Variants in MYO5C observed in about 807,000 individuals in gnomAD.
MYO5C encodes unconventional myosin-Vc.
In MYO5C, 194 loss-of-function variants were observed where a neutral mutation model predicts 235.7. That is an observed-to-expected ratio of 0.82 (90% CI 0.73 to 0.93). The LOEUF is 0.93. Ranked by LOEUF, MYO5C falls within the 40% of genes least tolerant of loss-of-function variation. MYO5C has a pLI of 0.00. For synonymous variants in MYO5C, 707 were observed against 754.8 expected (o/e 0.94, Z 1.04); for missense variants, 2,038 against 2,127.2 (o/e 0.96, Z 0.82).
At chr15:52,260,406 G>C (rs2036668924) in intron 10 of MYO5C, among the ~76,000 whole-genome samples, 1 of 152,230 alleles carries the variant, frequency 6.6e-6, no homozygotes, top group Non-Finnish European at 1.5e-5. Context: ...TGATTCGAAT[G>C]GGAAGGGACC....
chr15:52,229,930 G>A (rs1379243164), intron 24 of MYO5C, among the ~76,000 whole-genome samples: 1 of 152,150 alleles, frequency 6.6e-6, no homozygotes, highest in Non-Finnish European at 1.5e-5. Flanking sequence ...CCAACCCCCC[G>A]GGTTCCATGC....
In MYO5C at chr15:52,270,677, T is replaced by A. The variant is rs147943226; in HGVS notation, c.833-817A>T. Reference sequence around the variant, plus strand: ...ACATTTATATATGTATATATATGTATGTATGTATACACATGTATGTGTATA... The same window carrying A: ...ACATTTATATATGTATATATATGTAAGTATGTATACACATGTATGTGTATA... On this transcript the variant is annotated intron_variant, in intron 7 of 40. Transcript: ENST00000261839. Among the ~76,000 whole-genome samples the A allele has an allele frequency of 6.8e-3, 1,026 of 151,500 alleles. 10 individuals are homozygous for A. The highest frequency in any genetic ancestry group is 0.024 in the African/African-American group (988 of 41,324).
At chr15:52,267,673 G>A (rs972402350) in intron 8 of MYO5C, among the ~76,000 whole-genome samples, 5 of 152,164 alleles carry the variant, frequency 3.3e-5, no homozygotes, top group African/African-American at 9.7e-5. Context: ...GCGACAGAGC[G>A]AGACTCCATC....
At chr15:52,262,988 C>T (rs1306010604) in intron 9 of MYO5C, among the ~76,000 whole-genome samples, 1 of 152,014 alleles carries the variant, frequency 6.6e-6, no homozygotes, top group African/African-American at 2.4e-5. Flanking sequence ...TCGTAAGAGG[C>T]ATCACAGTGT....
intron 12 of MYO5C, among the ~76,000 whole-genome samples, chr15:52,252,221 T>G (rs1448021029): frequency 6.6e-6 from 1 of 152,100 alleles, no homozygotes; most frequent in Admixed American, 6.6e-5. Context: ...CCCAAAGAAA[T>G]CTAAAGGTTC....
rs796526949 is a variant in MYO5C, at chr15:52,232,168, A to AAGGAAGGGAGGAAGGG, written c.3026+438_3026+453dup. On this transcript the variant is annotated intron_variant, in intron 24 of 40. Coordinates refer to ENST00000261839, the MANE Select transcript of MYO5C (RefSeq NM_018728.4). Reference sequence around the variant, plus strand: ...GGAAGGAAAGGAAGGAAAGGAAGGGAAGGAAGGGAGGAAGGGAGGAAGGGA... The same window carrying AAGGAAGGGAGGAAGGG: ...GGAAGGAAAGGAAGGAAAGGAAGGGAAGGAAGGGAGGAAGGGAGGAAGGGAGGAAGGGAGGAAGGGA... 1.1e-4 allele frequency among the ~76,000 whole-genome samples: 2 copies of AAGGAAGGGAGGAAGGG among 17,796 alleles called. 1 individual carries two copies. Among genetic ancestry groups the AAGGAAGGGAGGAAGGG allele is most frequent in the African/African-American group, 1.8e-4 (2 of 10,998 alleles). The allele number at this position is 17,796 out of a possible 152,430, so 11.7% of individuals were successfully genotyped here. A position where few individuals can be genotyped will look rare whatever the true frequency, so the allele number is the denominator to read the frequency against.
intron 10 of MYO5C, among the ~76,000 whole-genome samples, chr15:52,257,491 T>C (rs117347184): frequency 6.6e-6 from 1 of 152,176 alleles, no homozygotes; most frequent in African/African-American, 2.4e-5. Flanking sequence ...GTCAGAAAAC[T>C]GGGACTTTTA....
At chr15:52,279,728 C>T in intron 2 of MYO5C, 54 bp from the exon 3 acceptor site, 1 of 1,544,956 alleles carries the variant, frequency 6.5e-7, no homozygotes, top group Non-Finnish European at 8.8e-7. Context: ...TTTGGTGTTT[C>T]TGTTGAAGCA....
Position 52,229,719 on chromosome 15 carries a change from C to T in MYO5C, c.3027-406G>A, listed in dbSNP as rs139348131. On this transcript the variant is annotated intron_variant, in intron 24 of 40. Coordinates refer to ENST00000261839, the MANE Select transcript of MYO5C (RefSeq NM_018728.4). ...TCATTTTGAAAACAACAAGAGGAGA[C>T]AAGTTAATTAGAACCTACTGTGACA... Among the ~76,000 whole-genome samples the T allele has an allele frequency of 1.1e-4, 16 of 152,290 alleles. No individual in the cohort carries two copies. In the East Asian group the frequency reaches 3.1e-3, roughly 29 times the overall value.
At chr15:52,265,028 C>T (rs1292266060) in intron 8 of MYO5C, among the ~76,000 whole-genome samples, 1 of 152,228 alleles carries the variant, frequency 6.6e-6, no homozygotes, top group African/African-American at 2.4e-5. Flanking sequence ...CAGGTGCCCA[C>T]TGCCCCTTGT....
intron 35 of MYO5C, among the ~76,000 whole-genome samples, chr15:52,209,305 C>G (rs896323383): frequency 1.3e-5 from 2 of 152,156 alleles, no homozygotes; most frequent in African/African-American, 2.4e-5. Context: ...TAAAGAAACA[C>G]CACTGGTTTT....
intron 32 of MYO5C, among the ~76,000 whole-genome samples, chr15:52,217,148 C>T (rs935982790): frequency 2.6e-5 from 4 of 152,178 alleles, no homozygotes; most frequent in African/African-American, 7.2e-5. Context: ...TAGAATCCGC[C>T]GGCTAATGTA....
intron 38 of MYO5C, among the ~76,000 whole-genome samples, chr15:52,197,973 A>G (rs934296788): frequency 2.6e-5 from 4 of 152,198 alleles, no homozygotes; most frequent in African/African-American, 9.6e-5. Flanking sequence ...TGTATGGTAT[A>G]TAAATTACAT....
chr15:52,225,503 T>C lies in MYO5C; in HGVS notation c.3237A>G (p.Glu1079=). The change falls in exon 26 of 41, where the codon GAA becomes GAG. Residue 1079 remains glutamate, a synonymous_variant. Transcript: ENST00000261839. ...CATCTATCTTCTGTGCCTGAAGTAG[T>C]TCTATCTCTTTTTCGAACTCAGAGA... is the stretch of plus-strand genomic sequence containing the variant. ...KTISEFEKEI[E]LLQAQKIDVE... is the part of the protein sequence containing the mutation. The C allele has an allele frequency of 6.2e-7, 1 of 1,613,606 alleles. No individual in the cohort carries two copies. Among genetic ancestry groups the C allele is most frequent in the Non-Finnish European group, 8.5e-7 (1 of 1,179,870 alleles).
At chr15:52,219,287 C>T (rs758309861) in intron 31 of MYO5C, among the ~76,000 whole-genome samples, 4 of 152,324 alleles carry the variant, frequency 2.6e-5, no homozygotes, top group Non-Finnish European at 5.9e-5. Context: ...TTATTGGTCT[C>T]GTGATGGAAA....
chr15:52,266,884 C>A (rs950852169), intron 8 of MYO5C, among the ~76,000 whole-genome samples: 8 of 152,216 alleles, frequency 5.3e-5, no homozygotes, highest in Admixed American at 5.2e-4. Context: ...TGGCCCCAAT[C>A]TCTTACCACC....
intron 2 of MYO5C, 119 bp from the exon 3 acceptor site, chr15:52,279,793 A>G: frequency 1.1e-6 from 1 of 942,342 alleles, no homozygotes; most frequent in Non-Finnish European, 1.5e-6. Context: ...ATTAAAAAGC[A>G]AATGTACTTA....
At chr15:52,262,639 TGGA>T (rs1468902341) in intron 9 of MYO5C, among the ~76,000 whole-genome samples, 2 of 152,158 alleles carry the variant, frequency 1.3e-5, no homozygotes, top group African/African-American at 4.8e-5. Context: ...AGGTGAAAGC[TGGA>T]GGAGAGGAAG....
At position 52,245,972 on chromosome 15, in the gene MYO5C, G is replaced by T. The variant is rs765244762; in HGVS notation, c.2050C>A (p.Gln684Lys). 5.6e-6 allele frequency: 9 copies of T among 1,614,132 alleles called. No individual in the cohort carries two copies. Reference sequence around the variant, plus strand: ...ACAACATACCTGGAAGGGTAGCTCTGTGCACTAATGCGAATCGTTTCTAAA... The same window carrying T: ...ACAACATACCTGGAAGGGTAGCTCTTTGCACTAATGCGAATCGTTTCTAAA... ...GVLETIRISA[Q>K]SYPSRWTYIE... The change falls in exon 17 of 41, where the codon CAG (glutamine) becomes AAG (lysine). Residue 684 changes from glutamine (Q) to lysine (K), a missense_variant. Gln to Lys is a moderately conservative substitution (Grantham distance 53). Transcript: ENST00000261839.
Sources: gnomAD v4.1 joint callset for allele counts (sites outside exome capture counted in the v4.1 genomes callset) on GRCh38, gnomAD v4.1.1 for gene constraint, MANE v1.5 for transcripts, NCBI Gene and HGNC (gene_info 2026-07-23, HGNC 2026-07-21) for gene names.